Variants in CD300LG observed in about 807,000 individuals in gnomAD.
CD300LG encodes the protein CMRF35-like molecule 9.
In CD300LG, 29 loss-of-function variants were observed where a neutral mutation model predicts 31.5. The ratio of observed to expected loss-of-function variants is 0.92; its 90% CI spans 0.68 to 1.25. CD300LG has a LOEUF of 1.25. Ranked by LOEUF, CD300LG falls within the 50% of genes most tolerant of loss-of-function variation. The probability of loss-of-function intolerance (pLI) is 0.00; values close to 1 mark genes in which losing one functional copy is unlikely to be tolerated. For synonymous variants in CD300LG, 175 were observed against 177.2 expected, an observed-to-expected ratio of 0.99 and a Z score of 0.10; for missense variants, 396 against 417.6, an observed-to-expected ratio of 0.95 and a Z score of 0.45.
chr17:43,861,713 G>A (rs550668261), intron 6 of CD300LG, 85 bp from the exon 7 acceptor site: 99 of 825,368 alleles, frequency 1.2e-4, no homozygotes, highest in Admixed American at 3.3e-4. Context: ...CTGGGTGGAC[G>A]CAGCAGCTAC....
intron 6 of CD300LG, chr17:43,861,380 G>A (rs889256261): frequency 7.3e-6 from 5 of 681,060 alleles, no homozygotes; most frequent in South Asian, 6.5e-5. Flanking sequence ...CCACACCCCC[G>A]CATCTACCCA....
chr17:43,861,052 C>T, intron 6 of CD300LG: 2 of 979,798 alleles, frequency 2.0e-6, no homozygotes, highest in Middle Eastern at 5.2e-4. Context: ...CCACGTTTCC[C>T]TCATCTTGCT....
At chr17:43,848,429 T>G in intron 1 of CD300LG, 129 bp from the exon 2 acceptor site, 1 of 770,684 alleles carries the variant, frequency 1.3e-6, no homozygotes, top group Non-Finnish European at 2.1e-6. Context: ...GTAATGGCTC[T>G]TCCAAGGCTG....
At chr17:43,863,639 ATCAGTGTGTC>A (rs1243671998), downstream of CD300LG, 1 of 152,060 alleles carries the variant, frequency 6.6e-6, no homozygotes, top group East Asian at 1.9e-4. Context: ...ATTCCATCCT[ATCAGTGTGTC>A]TCAATTTATT....
At position 43,862,262 on chromosome 17, in the gene CD300LG, A is replaced by T. The variant is rs2046668048; in HGVS notation, c.*351A>T. 1 of 163,936 alleles carries T rather than the reference A, an allele frequency of 6.1e-6. No individual in the cohort carries two copies. Among genetic ancestry groups the T allele is most frequent in the Admixed American group, 6.4e-5 (1 of 15,728 alleles). 10.2% of individuals were successfully genotyped at this position (163,936 alleles called of 1,614,324 possible). On this transcript the variant is annotated 3_prime_UTR_variant, in exon 7 of 7. Coordinates refer to ENST00000317310, the MANE Select transcript of CD300LG (RefSeq NM_145273.4). The stretch of plus-strand genomic sequence containing the variant: ...CCAGGAACTCCTGGGCCTCATGCCC[A>T]GTGTCGGACCCTGCCTTCCTCCCAC...
Position 43,861,997 on chromosome 17 carries a change from C to A in CD300LG, c.*86C>A. ...GATTCCCGAAAGCTTTCCACCTCAG[C>A]CTCAGAGTCCAGCTGCCCGGACTCC... On this transcript the variant is annotated 3_prime_UTR_variant, in exon 7 of 7. Transcript: ENST00000317310. The A allele has an allele frequency of 1.1e-6, 1 of 927,166 alleles. No homozygotes were observed. The highest frequency in any genetic ancestry group is 1.6e-6 in the Non-Finnish European group (1 of 639,278). 57.4% of individuals were successfully genotyped at this position (927,166 alleles called of 1,614,324 possible).
At chr17:43,856,374 T>A (rs1455391497) in intron 5 of CD300LG, among the ~76,000 whole-genome samples, 1 of 152,224 alleles carries the variant, frequency 6.6e-6, no homozygotes, top group Non-Finnish European at 1.5e-5. Flanking sequence ...TGCCAGCCAC[T>A]ATCCCCAGCT....
chr17:43,856,173 A>G (rs2046514902), intron 5 of CD300LG, among the ~76,000 whole-genome samples: 1 of 152,206 alleles, frequency 6.6e-6, no homozygotes, highest in South Asian at 2.1e-4. Flanking sequence ...TCATTTTGAT[A>G]TGGAATCAAT....
intron 2 of CD300LG, among the ~76,000 whole-genome samples, chr17:43,851,387 G>C (rs1396204187): frequency 6.6e-6 from 1 of 152,088 alleles, no homozygotes; most frequent in Non-Finnish European, 1.5e-5. Flanking sequence ...CCTGGATTAG[G>C]GATGCTGAAT....
chr17:43,861,650 G>A, intron 6 of CD300LG, 148 bp from the exon 7 acceptor site: 1 of 541,558 alleles, frequency 1.8e-6, no homozygotes. Flanking sequence ...CTGGGGAGTT[G>A]TTAGGTCCTG....
chr17:43,861,225 T>C, intron 6 of CD300LG: 2 of 985,338 alleles, frequency 2.0e-6, no homozygotes, highest in Non-Finnish European at 2.4e-6. Context: ...TCTCCCAGCC[T>C]CTACACAGAG....
intron 6 of CD300LG, chr17:43,860,986 C>A: frequency 6.9e-6 from 3 of 432,822 alleles, no homozygotes; most frequent in South Asian, 9.5e-5. Flanking sequence ...GTGGCAGAGG[C>A]ATCCAGGAGC....
chr17:43,857,567 A>G, intron 6 of CD300LG: 1 of 1,323,406 alleles, frequency 7.6e-7, no homozygotes, highest in Non-Finnish European at 1.1e-6. Flanking sequence ...CCCAGGGGTC[A>G]GGGAGCTGTT....
intron 2 of CD300LG, among the ~76,000 whole-genome samples, chr17:43,852,626 C>T (rs2046391599): frequency 6.6e-5 from 10 of 152,196 alleles, no homozygotes; most frequent in Admixed American, 6.5e-4. Flanking sequence ...GGATCCAACA[C>T]AGACTTTTGA....
chr17:43,851,640 A>ATTTT, intron 2 of CD300LG, among the ~76,000 whole-genome samples: 2 of 111,862 alleles, frequency 1.8e-5, no homozygotes, highest in Admixed American at 9.1e-5. Flanking sequence ...GAGGACAGGA[A>ATTTT]TTTTTTTTTT....
At position 43,857,132 on chromosome 17, in the gene CD300LG, C is replaced by G. The variant is rs142790995; in HGVS notation, c.861C>G (p.Asn287Lys). Residue 287 changes from asparagine (N) to lysine (K), a missense_variant, in exon 6 of 7, where the codon AAC (asparagine) becomes AAG (lysine). Transcript: ENST00000317310. The part of the protein sequence containing the change: ...EAQQATETQR[N>K]EKFCLSRLTA... ...AACAGGCCACGGAGACACAGAGGAA[C>G]GAGAAGTTCTGCCTCTCACGCTTGG... The G allele has an allele frequency of 1.1e-4, 178 of 1,614,152 alleles. 1 individual carries two copies. In the African/African-American group the frequency reaches 2.1e-3, roughly 19 times the overall value.
At chr17:43,854,258 G>A (rs751534481) in intron 4 of CD300LG, among the ~76,000 whole-genome samples, 6 of 152,226 alleles carry the variant, frequency 3.9e-5, no homozygotes, top group Non-Finnish European at 5.9e-5. Flanking sequence ...CCAGTGTGAA[G>A]GGTCCACCAG....
chr17:43,852,117 A>G (rs1170896605), intron 2 of CD300LG, among the ~76,000 whole-genome samples: 1 of 151,958 alleles, frequency 6.6e-6, no homozygotes, highest in Non-Finnish European at 1.5e-5. Context: ...TCGGGAATAG[A>G]GGATGACTCT....
At position 43,848,837 on chromosome 17, in the gene CD300LG, G is replaced by A; in HGVS notation, c.323G>A (p.Gly108Glu). Residue 108 changes from glycine to glutamate, a missense_variant, in exon 2 of 7, where the codon GGG (glycine) becomes GAG (glutamate). Physicochemically the swap from Gly to Glu is moderately conservative, Grantham distance 98 (BLOSUM62 -2). Transcript: ENST00000317310. ...TLQDAGEYWCGVEKRGPDESL... is the reference protein window; with the variant it reads ...TLQDAGEYWCEVEKRGPDESL... ...CAAGACGCTGGGGAGTACTGGTGTGGGGTCGAAAAACGGGGCCCCGATGAG... is the reference window on the plus strand; with the variant it reads ...CAAGACGCTGGGGAGTACTGGTGTGAGGTCGAAAAACGGGGCCCCGATGAG... The A allele has an allele frequency of 1.2e-6, 2 of 1,614,124 alleles. No homozygotes were observed. Among genetic ancestry groups the A allele is most frequent in the Non-Finnish European group, 1.7e-6 (2 of 1,180,024 alleles).
Sources: allele counts gnomAD v4.1 joint callset (sites outside exome capture counted in the v4.1 genomes callset), GRCh38; gene constraint gnomAD v4.1.1; transcripts MANE v1.5; gene names NCBI Gene and HGNC (gene_info 2026-07-23, HGNC 2026-07-21).